Variants in SNTG2 observed in about 807,000 individuals in gnomAD.
The protein encoded by SNTG2 is gamma-2-syntrophin.
SNTG2 carries 74 observed loss-of-function variants against 70.9 expected under a neutral mutation model. The ratio of observed to expected loss-of-function variants is 1.04; its 90% CI spans 0.86 to 1.27. The LOEUF (loss-of-function observed/expected upper bound fraction) is 1.27, where lower values mean the gene tolerates loss of function less well. Among genes scored for constraint, SNTG2 ranks in the 50% most tolerant of loss-of-function variants. The pLI, the probability that SNTG2 is intolerant of heterozygous loss-of-function variation, is 0.00. For synonymous variants in SNTG2, 278 were observed against 273.8 expected, an observed-to-expected ratio of 1.02 and a Z score of -0.15; for missense variants, 717 against 690.7, an observed-to-expected ratio of 1.04 and a Z score of -0.43.
intron 1 of SNTG2, among the ~76,000 whole-genome samples, chr2:963,932 C>T (rs1660441728): frequency 1.3e-5 from 2 of 152,144 alleles, no homozygotes; most frequent in African/African-American, 2.4e-5. Context: ...CTTTTTGTTT[C>T]TTCACTTTGT....
intron 16 of SNTG2, among the ~76,000 whole-genome samples, chr2:1,364,188 G>T (rs1661351755): frequency 6.6e-6 from 1 of 150,396 alleles, no homozygotes; most frequent in Non-Finnish European, 1.5e-5. Flanking sequence ...CACCATGTTG[G>T]CCAGGCTGGT....
At position 1,322,393 on chromosome 2, in the gene SNTG2, C is replaced by T. The variant is rs1004773748; in HGVS notation, c.1488+6018C>T. On this transcript the variant is annotated intron_variant, in intron 16 of 16. Coordinates refer to ENST00000308624, the MANE Select transcript of SNTG2 (RefSeq NM_018968.4). ...GAGGGAAAATCCACATCCCCAGAAA[C>T]CAGGTCAGGTGCGTCCTGGGACTTC... Among the ~76,000 whole-genome samples, 22 of 152,276 alleles carry T rather than the reference C, an allele frequency of 1.4e-4. 1 individual carries two copies. The highest frequency in any genetic ancestry group is 5.3e-4 in the African/African-American group (22 of 41,560).
chr2:1,326,401 A>G (rs1372581767), intron 16 of SNTG2, among the ~76,000 whole-genome samples: 8 of 152,210 alleles, frequency 5.3e-5, no homozygotes, highest in Non-Finnish European at 1.0e-4. Context: ...GCCTATATCA[A>G]ATATCTCAAA....
At chr2:1,071,878 C>CA (rs1663583973) in intron 1 of SNTG2, among the ~76,000 whole-genome samples, 1 of 152,128 alleles carries the variant, frequency 6.6e-6, no homozygotes, top group African/African-American at 2.4e-5. Context: ...CAGGATAGAT[C>CA]AAACCAGCCA....
rs370763231 is a variant in SNTG2 at position 1,227,908 on chromosome 2, G to A, written c.720-9980G>A. 1.1e-4 allele frequency among the ~76,000 whole-genome samples: 16 copies of A among 152,268 alleles called. No individual in the cohort carries two copies. In the East Asian group the frequency reaches 1.7e-3, roughly 17 times the overall value. ...CAAACACCGCTCTGCTGGGCAGGTC[G>A]GACTCCATTCTAAAAATGAGGAAGA... On this transcript the variant is annotated intron_variant, in intron 9 of 16. Transcript: ENST00000308624.
intron 6 of SNTG2, among the ~76,000 whole-genome samples, chr2:1,144,837 G>A (rs867635056): frequency 6.6e-6 from 1 of 152,146 alleles, no homozygotes; most frequent in Non-Finnish European, 1.5e-5. Context: ...TGAGATTTGG[G>A]TGGGGACACA....
At chr2:1,025,476 C>G (rs1317559404) in intron 1 of SNTG2, among the ~76,000 whole-genome samples, 2 of 152,124 alleles carry the variant, frequency 1.3e-5, no homozygotes, top group Non-Finnish European at 2.9e-5. Flanking sequence ...ATTTTTAGTT[C>G]TGGAGGTAGG....
chr2:1,113,913 C>G (rs933611201), intron 4 of SNTG2, among the ~76,000 whole-genome samples: 2 of 150,276 alleles, frequency 1.3e-5, no homozygotes, highest in African/African-American at 4.9e-5. Context: ...TGAGGTTTAA[C>G]CCTTACAGTC....
intron 1 of SNTG2, among the ~76,000 whole-genome samples, chr2:979,569 T>C (rs58437615): frequency 0.076 from 11,628 of 152,172 alleles, 669 homozygotes; most frequent in South Asian, 0.2. Flanking sequence ...AGCTGGGAGG[T>C]GTCCTAAACT....
At chr2:1,177,692 C>A (rs1373058088) in intron 8 of SNTG2, among the ~76,000 whole-genome samples, 1 of 144,458 alleles carries the variant, frequency 6.9e-6, no homozygotes, top group African/African-American at 2.7e-5. Context: ...AATATATTTT[C>A]TGACAAAAAA....
At chr2:1,128,657 T>C (rs1279935533) in intron 4 of SNTG2, among the ~76,000 whole-genome samples, 5 of 152,126 alleles carry the variant, frequency 3.3e-5, no homozygotes, top group African/African-American at 1.2e-4. Flanking sequence ...GTGCCAACTT[T>C]CAATATTGTT....
chr2:1,225,116 T>G (rs1572793081), intron 9 of SNTG2, among the ~76,000 whole-genome samples: 1 of 152,324 alleles, frequency 6.6e-6, no homozygotes, highest in Non-Finnish European at 1.5e-5. Context: ...CTTAACCACT[T>G]CTGGCCTTAT....
chr2:1,164,124 G>T (rs1670535423), intron 6 of SNTG2, among the ~76,000 whole-genome samples: 1 of 152,196 alleles, frequency 6.6e-6, no homozygotes, highest in Admixed American at 6.5e-5. Context: ...GCTTTATGTA[G>T]AGGAGAGAGC....
At chr2:1,325,204 T>C (rs1399571822) in intron 16 of SNTG2, among the ~76,000 whole-genome samples, 1 of 152,188 alleles carries the variant, frequency 6.6e-6, no homozygotes, top group Non-Finnish European at 1.5e-5. Context: ...GAAAATAGAC[T>C]TTTATTGAAC....
intron 1 of SNTG2, among the ~76,000 whole-genome samples, chr2:1,067,380 A>G (rs1663228551): frequency 6.6e-6 from 1 of 152,194 alleles, no homozygotes; most frequent in Non-Finnish European, 1.5e-5. Flanking sequence ...ACATATATTT[A>G]CACTTTTTAT....
intron 4 of SNTG2, among the ~76,000 whole-genome samples, chr2:1,103,109 T>C (rs73172917): frequency 0.01 from 1,550 of 152,224 alleles, 23 homozygotes; most frequent in African/African-American, 0.035. Flanking sequence ...GTCCACGTCA[T>C]GGGTGTGGAG....
chr2:1,168,491 C>T (rs1001356892), intron 7 of SNTG2, among the ~76,000 whole-genome samples: 6 of 152,202 alleles, frequency 3.9e-5, no homozygotes, highest in Middle Eastern at 3.2e-3. Context: ...AAGAAGCGAG[C>T]CACTCCCCCA....
intron 14 of SNTG2, among the ~76,000 whole-genome samples, chr2:1,268,221 C>T (rs1328479233): frequency 6.6e-6 from 1 of 152,194 alleles, no homozygotes; most frequent in East Asian, 1.9e-4. Context: ...AATGAGGCAG[C>T]GCATCCCAGA....
intron 12 of SNTG2, among the ~76,000 whole-genome samples, chr2:1,253,309 A>G (rs570102746): frequency 2.0e-5 from 3 of 151,814 alleles, no homozygotes; most frequent in African/African-American, 4.8e-5. Flanking sequence ...TCTCTCTTCC[A>G]TCACACTTTG....
Sources: allele counts gnomAD v4.1 joint callset (sites outside exome capture counted in the v4.1 genomes callset), GRCh38; gene constraint gnomAD v4.1.1; transcripts MANE v1.5; gene names NCBI Gene and HGNC (gene_info 2026-07-23, HGNC 2026-07-21).